The following EYS variants were observed in gnomAD, a reference collection of about 807,000 sequenced individuals.
EYS encodes the protein EGF-like photoreceptor maintenance factor, also known as protein eyes shut homolog.
A neutral mutation model predicts 282.1 loss-of-function variants in EYS; 250 were observed. The ratio of observed to expected loss-of-function variants is 0.89; its 90% CI spans 0.80 to 0.98. The LOEUF is 0.98. Ranked by LOEUF, EYS falls within the 50% of genes least tolerant of loss-of-function variation. The probability of loss-of-function intolerance (pLI) is 0.00; values close to 1 mark genes in which losing one functional copy is unlikely to be tolerated. For synonymous variants in EYS, 1,355 were observed against 1,282.9 expected (o/e 1.06, Z -1.20); for missense variants, 4,016 against 3,709.0 (o/e 1.08, Z -2.15).
chr6:63,753,342 ATCTAGGTTTT>A (rs1290575285), intron 41 of EYS, among the ~76,000 whole-genome samples: 7 of 151,916 alleles, frequency 4.6e-5, no homozygotes, highest in African/African-American at 1.7e-4. Flanking sequence ...TACATGTGTC[ATCTAGGTTTT>A]TAAATTTTGA....
chr6:64,897,365 A>C (rs1011294323), intron 18 of EYS, among the ~76,000 whole-genome samples: 3 of 152,184 alleles, frequency 2.0e-5, no homozygotes, highest in Non-Finnish European at 2.9e-5. Flanking sequence ...AGAGGGCCTG[A>C]CTGTTAGAAG....
At chr6:65,147,783 T>G (rs553837747) in intron 12 of EYS, among the ~76,000 whole-genome samples, 3 of 152,230 alleles carry the variant, frequency 2.0e-5, no homozygotes, top group Admixed American at 2.0e-4. Context: ...AAAAATAGTT[T>G]AATTGACCCA....
intron 41 of EYS, among the ~76,000 whole-genome samples, chr6:63,751,685 G>A (rs959040812): frequency 6.6e-6 from 1 of 152,116 alleles, no homozygotes; most frequent in Non-Finnish European, 1.5e-5. Context: ...CTGAAGGAAT[G>A]GATTATTGTC....
chr6:64,496,699 A>G (rs921903953), intron 26 of EYS, among the ~76,000 whole-genome samples: 1 of 151,986 alleles, frequency 6.6e-6, no homozygotes, highest in East Asian at 1.9e-4. Context: ...TACTGTTTTG[A>G]GATAAATTAT....
intron 5 of EYS, among the ~76,000 whole-genome samples, chr6:65,433,865 T>A (rs1176267425): frequency 1.3e-5 from 2 of 152,204 alleles, no homozygotes; most frequent in African/African-American, 4.8e-5. Flanking sequence ...ATTAACAAGT[T>A]GAAATGCCAT....
chr6:63,991,233 A>G (rs1767589771), intron 34 of EYS, among the ~76,000 whole-genome samples: 1 of 151,736 alleles, frequency 6.6e-6, no homozygotes, highest in Non-Finnish European at 1.5e-5. Flanking sequence ...CTGACTGTTA[A>G]AGGTCTTTCC....
intron 19 of EYS, among the ~76,000 whole-genome samples, chr6:64,869,060 C>T (rs1766512319): frequency 1.3e-5 from 2 of 151,442 alleles, no homozygotes; most frequent in African/African-American, 4.8e-5. Flanking sequence ...TCTTAGATCT[C>T]AGTTGTGACT....
chr6:64,054,315 C>CATA (rs1770910538), intron 33 of EYS, among the ~76,000 whole-genome samples: 1 of 152,152 alleles, frequency 6.6e-6, no homozygotes, highest in Admixed American at 6.5e-5. Flanking sequence ...TTGCAGAAAG[C>CATA]ATAAGGTACA....
At chr6:64,806,172 T>C (rs887230037) in intron 22 of EYS, among the ~76,000 whole-genome samples, 2 of 151,740 alleles carry the variant, frequency 1.3e-5, no homozygotes, top group Non-Finnish European at 3.0e-5. Context: ...GAAAATATAA[T>C]CTCTATTTAA....
At chr6:64,589,758 G>T (rs1259527572) in intron 26 of EYS, among the ~76,000 whole-genome samples, 1 of 151,844 alleles carries the variant, frequency 6.6e-6, no homozygotes, top group Non-Finnish European at 1.5e-5. Flanking sequence ...ATTTAAAAAT[G>T]ATATACCATG....
At chr6:65,408,889 T>C (rs564796450) in intron 5 of EYS, among the ~76,000 whole-genome samples, 36 of 152,280 alleles carry the variant, frequency 2.4e-4, no homozygotes, top group African/African-American at 7.5e-4. Context: ...AGCACTGTTT[T>C]AGCTAAGCAC....
intron 35 of EYS, among the ~76,000 whole-genome samples, chr6:63,970,634 C>CAAAA (rs59815225): frequency 3.7e-5 from 5 of 133,866 alleles, no homozygotes; most frequent in Admixed American, 7.7e-5. Flanking sequence ...GACTCCATCT[C>CAAAA]AAAAAAAAAA....
At chr6:63,812,811 G>C (rs1771082210) in intron 36 of EYS, among the ~76,000 whole-genome samples, 1 of 151,976 alleles carries the variant, frequency 6.6e-6, no homozygotes, top group Non-Finnish European at 1.5e-5. Context: ...GCTAATCATT[G>C]CTTGTTTGAA....
At chr6:64,766,683 T>TATATATATATATAA (rs1250908125) in intron 22 of EYS, among the ~76,000 whole-genome samples, 4 of 111,284 alleles carry the variant, frequency 3.6e-5, no homozygotes, top group African/African-American at 1.0e-4. Context: ...TATATATATA[T>TATATATATATATAA]AAAATCTAAC....
intron 4 of EYS, among the ~76,000 whole-genome samples, chr6:65,492,368 A>G (rs541574940): frequency 1.3e-5 from 2 of 151,370 alleles, no homozygotes; most frequent in African/African-American, 4.8e-5. Context: ...GAAAGAGAGA[A>G]AGGAAGGAAG....
At chr6:64,183,128 G>A (rs1582393812) in intron 31 of EYS, among the ~76,000 whole-genome samples, 2 of 152,090 alleles carry the variant, frequency 1.3e-5, no homozygotes, top group African/African-American at 4.8e-5. Context: ...TCTTCTCTGG[G>A]CATTCATTCT....
chr6:65,009,165 A>G (rs946048706), intron 13 of EYS, among the ~76,000 whole-genome samples: 3 of 152,052 alleles, frequency 2.0e-5, no homozygotes, highest in African/African-American at 7.2e-5. Context: ...AAGAATGCCC[A>G]TCCTGTTCAA....
chr6:64,717,884 T>C (rs1378234552), intron 22 of EYS, among the ~76,000 whole-genome samples: 1 of 152,164 alleles, frequency 6.6e-6, no homozygotes, highest in Non-Finnish European at 1.5e-5. Context: ...AAGATTATGA[T>C]ACATATTAAA....
At chr6:64,082,220 A>G (rs1771997086) in intron 31 of EYS, among the ~76,000 whole-genome samples, 1 of 152,142 alleles carries the variant, frequency 6.6e-6, no homozygotes, top group Non-Finnish European at 1.5e-5. Context: ...ACTGAATAAG[A>G]GTTATAATTT....
Sources: allele counts gnomAD v4.1 joint callset (sites outside exome capture counted in the v4.1 genomes callset), GRCh38; gene constraint gnomAD v4.1.1; transcripts MANE v1.5; gene names NCBI Gene and HGNC (gene_info 2026-07-23, HGNC 2026-07-21).